The following RBFOX1 variants were observed in gnomAD, a reference collection of about 807,000 sequenced individuals.
RBFOX1 encodes RNA binding protein fox-1 homolog 1.
In RBFOX1, 8 loss-of-function variants were observed where a neutral mutation model predicts 57.7. The ratio of observed to expected loss-of-function variants is 0.14; its 90% CI spans 0.08 to 0.25. RBFOX1 has a LOEUF of 0.25. Among genes scored for constraint, RBFOX1 ranks in the 10% least tolerant of loss-of-function variants. The pLI is 1.00. For synonymous variants in RBFOX1, 326 were observed against 222.4 expected, an observed-to-expected ratio of 1.47 and a Z score of -4.15; for missense variants, 611 against 548.5, an observed-to-expected ratio of 1.11 and a Z score of -1.14.
intron 2 of RBFOX1, among the ~76,000 whole-genome samples, chr16:6,563,867 T>C (rs2097218778): frequency 6.6e-6 from 1 of 151,836 alleles, no homozygotes; most frequent in Non-Finnish European, 1.5e-5. Flanking sequence ...TGTGTGTATG[T>C]ATGTATATGT....
chr16:7,326,445 T>C (rs2096612984), intron 4 of RBFOX1, among the ~76,000 whole-genome samples: 1 of 152,076 alleles, frequency 6.6e-6, no homozygotes, highest in Non-Finnish European at 1.5e-5. Flanking sequence ...CAGCAACATC[T>C]GTATGGGGTG....
chr16:7,029,221 C>CACATATATATACGTATATGTGTATATAT lies in RBFOX1; in HGVS notation c.-15-22833_-15-22832insTATATATACGTATATGTGTATATATACA, dbSNP rs2042106912. On this transcript the variant is annotated intron_variant, in intron 3 of 15. Coordinates refer to ENST00000550418, the MANE Select transcript of RBFOX1 (RefSeq NM_018723.4). ...ATGTATACGTATACGTATATATATA[C>CACATATATATACGTATATGTGTATATAT]ACACATATATATACGTATACGTATA... Among the ~76,000 whole-genome samples the CACATATATATACGTATATGTGTATATAT allele has an allele frequency of 3.4e-4, 3 of 8,814 alleles. 1 individual carries two copies. The highest frequency in any genetic ancestry group is 6.3e-4 in the Non-Finnish European group (3 of 4,794). The allele number at this position is 8,814 out of a possible 152,430, so 5.8% of individuals were successfully genotyped here. A position where few individuals can be genotyped will look rare whatever the true frequency, so the allele number is the denominator to read the frequency against.
At chr16:5,483,144 G>A (rs2069604229) in intron 2 of RBFOX1, among the ~76,000 whole-genome samples, 1 of 152,190 alleles carries the variant, frequency 6.6e-6, no homozygotes, top group South Asian at 2.1e-4. Flanking sequence ...GGGTTGGGGT[G>A]GGGTTTGATG....
At chr16:5,364,499 C>T (rs183911668) in intron 1 of RBFOX1, among the ~76,000 whole-genome samples, 41 of 152,290 alleles carry the variant, frequency 2.7e-4, no homozygotes, top group Non-Finnish European at 8.8e-5. Flanking sequence ...TCTTGGTTCC[C>T]GATGCAAGGG....
intron 4 of RBFOX1, among the ~76,000 whole-genome samples, chr16:7,096,618 G>A (rs922336736): frequency 2.0e-5 from 3 of 152,040 alleles, no homozygotes; most frequent in Admixed American, 6.5e-5. Flanking sequence ...TTGGATCTAG[G>A]AGTGGACTTA....
intron 1 of RBFOX1, among the ~76,000 whole-genome samples, chr16:6,300,606 T>G (rs1303701076): frequency 1.3e-5 from 2 of 152,210 alleles, no homozygotes; most frequent in Non-Finnish European, 2.9e-5. Context: ...CTTCATCTAG[T>G]TTCATCTTTC....
chr16:6,047,040 C>T (rs911881674), intron 1 of RBFOX1, among the ~76,000 whole-genome samples: 1 of 152,140 alleles, frequency 6.6e-6, no homozygotes, highest in African/African-American at 2.4e-5. Context: ...CTGCTGCTGC[C>T]ATGGAGCTGA....
At chr16:7,630,828 G>A (rs1255349747) in intron 11 of RBFOX1, 145 bp downstream of exon 11, 27 of 1,446,076 alleles carry the variant, frequency 1.9e-5, no homozygotes, top group East Asian at 7.4e-5. Flanking sequence ...TCATAAGCAT[G>A]TCTGTCTCCC....
chr16:7,361,866 TGC>T (rs1319011608), intron 4 of RBFOX1, among the ~76,000 whole-genome samples: 3 of 148,048 alleles, frequency 2.0e-5, no homozygotes, highest in East Asian at 2.0e-4. Flanking sequence ...TGTGTGTTAG[TGC>T]GTGTGTTTTG....
intron 1 of RBFOX1, among the ~76,000 whole-genome samples, chr16:6,146,367 C>A (rs775874296): frequency 6.6e-6 from 1 of 152,162 alleles, no homozygotes; most frequent in Non-Finnish European, 1.5e-5. Context: ...GATTAGCCTC[C>A]AAAATTGTAG....
intron 2 of RBFOX1, among the ~76,000 whole-genome samples, chr16:6,512,275 C>T (rs185923838): frequency 2.1e-5 from 1 of 46,542 alleles, no homozygotes; most frequent in Non-Finnish European, 4.3e-5. Flanking sequence ...CAGAGCAAGA[C>T]CCTGTATCAA....
intron 1 of RBFOX1, among the ~76,000 whole-genome samples, chr16:6,138,993 G>A (rs1047661602): frequency 4.6e-5 from 7 of 152,176 alleles, no homozygotes; most frequent in Non-Finnish European, 8.8e-5. Context: ...ACATCAGGAG[G>A]CAGAGATTGT....
In RBFOX1 at chr16:7,439,961, T is replaced by G. The variant is rs554149322; in HGVS notation, c.28-78186T>G. On this transcript the variant is annotated intron_variant, in intron 4 of 15. Coordinates refer to ENST00000550418, the MANE Select transcript of RBFOX1 (RefSeq NM_018723.4). ...AAATCTTTTCTTTCTTTTTTTTTTT[T>G]TTTTTTTTGAGACAGGGTCTCATTC... is the stretch of plus-strand genomic sequence containing the variant. 1.9e-4 allele frequency among the ~76,000 whole-genome samples: 28 copies of G among 149,970 alleles called. 1 individual carries two copies. The highest frequency in any genetic ancestry group is 1.2e-3 in the Admixed American group (18 of 15,070).
chr16:7,506,579 T>TTCATCA (rs796170479), intron 4 of RBFOX1, among the ~76,000 whole-genome samples: 2 of 146,228 alleles, frequency 1.4e-5, no homozygotes, highest in African/African-American at 2.6e-5. Flanking sequence ...TACCATCACC[T>TTCATCA]TCATCATCAT....
At chr16:7,287,511 G>A (rs2095673480) in intron 4 of RBFOX1, among the ~76,000 whole-genome samples, 1 of 152,148 alleles carries the variant, frequency 6.6e-6, no homozygotes, top group Non-Finnish European at 1.5e-5. Context: ...CACAGGCCAT[G>A]GTGAGGCTCT....
At chr16:6,878,550 G>A (rs1863439955) in intron 3 of RBFOX1, among the ~76,000 whole-genome samples, 1 of 152,156 alleles carries the variant, frequency 6.6e-6, no homozygotes, top group Admixed American at 6.5e-5. Flanking sequence ...GGAGTCATTT[G>A]TTGCCACAGC....
At chr16:6,793,341 T>C (rs879901391) in intron 3 of RBFOX1, among the ~76,000 whole-genome samples, 3 of 152,180 alleles carry the variant, frequency 2.0e-5, no homozygotes, top group Non-Finnish European at 4.4e-5. Context: ...GAGTTTTTTT[T>C]CCAAAATATG....
At chr16:7,572,058 C>T (rs553997159) in intron 5 of RBFOX1, among the ~76,000 whole-genome samples, 7 of 152,038 alleles carry the variant, frequency 4.6e-5, no homozygotes, top group Non-Finnish European at 8.8e-5. Flanking sequence ...ACCTGGCAGA[C>T]GGAGGTTGCA....
At chr16:7,282,698 C>A (rs2095570164) in intron 4 of RBFOX1, among the ~76,000 whole-genome samples, 1 of 152,280 alleles carries the variant, frequency 6.6e-6, no homozygotes, top group East Asian at 1.9e-4. Context: ...GTATACACTG[C>A]ACCCAGTTTG....
Sources: gnomAD v4.1 joint callset for allele counts (sites outside exome capture counted in the v4.1 genomes callset) on GRCh38, gnomAD v4.1.1 for gene constraint, MANE v1.5 for transcripts, NCBI Gene and HGNC (gene_info 2026-07-23, HGNC 2026-07-21) for gene names.